ST8SIA6: variants seen among roughly 807,000 people sequenced by gnomAD.
The protein encoded by ST8SIA6 is ST8 alpha-N-acetyl-neuraminide alpha-2,8-sialyltransferase 6, also known as alpha-2,8-sialyltransferase 8F.
A neutral mutation model predicts 33.6 loss-of-function variants in ST8SIA6; 39 were observed. That is an observed-to-expected ratio of 1.16 (90% CI 0.90 to 1.52). The LOEUF (loss-of-function observed/expected upper bound fraction) is 1.52. Among genes scored for constraint, ST8SIA6 ranks in the 40% most tolerant of loss-of-function variants. The pLI is 0.00. For missense variants in ST8SIA6, 441 were observed against 443.8 expected, an observed-to-expected ratio of 0.99 and a Z score of 0.06; for synonymous variants, 172 against 167.2, an observed-to-expected ratio of 1.03 and a Z score of -0.22.
Position 17,374,750 on chromosome 10 carries a change from T to TA in ST8SIA6, c.291-15151dup, listed in dbSNP as rs1588855955. ...AATAAATAAATAAATAAATAAATAATAAATATATATATATATATTTAGCTC... is the reference window on the plus strand; with the variant it reads ...AATAAATAAATAAATAAATAAATAATAAAATATATATATATATATTTAGCTC... On this transcript the variant is annotated intron_variant, in intron 3 of 7. Transcript: ENST00000377602. Among the ~76,000 whole-genome samples, 276 of 96,406 alleles carry TA rather than the reference T, an allele frequency of 2.9e-3. 3 individuals carry two copies. The highest frequency in any genetic ancestry group is 8.1e-3 in the African/African-American group (199 of 24,696). 63.2% of individuals were successfully genotyped at this position (96,406 alleles called of 152,430 possible).
chr10:17,375,524 C>T (rs967356626), intron 3 of ST8SIA6, among the ~76,000 whole-genome samples: 2 of 152,172 alleles, frequency 1.3e-5, no homozygotes, highest in Non-Finnish European at 2.9e-5. Context: ...CTTTATGCCA[C>T]CCCATGAGGA....
At position 17,317,679 on chromosome 10, in the gene ST8SIA6, A is replaced by G. The variant is rs769804240; in HGVS notation, c.*3199T>C. On this transcript the variant is annotated 3_prime_UTR_variant, in exon 8 of 8. Transcript: ENST00000377602. The stretch of plus-strand genomic sequence containing the variant: ...CCTAATTCATGGAGTGATTTACGGT[A>G]CTTGACATTACATAATACTTAGCTG... Among the ~76,000 whole-genome samples the G allele has an allele frequency of 2.0e-5, 3 of 152,190 alleles. No individual in the cohort carries two copies. The highest frequency in any genetic ancestry group is 4.4e-5 in the Non-Finnish European group (3 of 68,030).
intron 4 of ST8SIA6, among the ~76,000 whole-genome samples, chr10:17,354,118 C>T (rs559911501): frequency 2.6e-5 from 4 of 152,136 alleles, no homozygotes; most frequent in Non-Finnish European, 5.9e-5. Context: ...GCTCAAAGAT[C>T]TGCGGGGATA....
chr10:17,315,893 A>G lies in ST8SIA6; in HGVS notation c.*4985T>C, dbSNP rs1038419369. On this transcript the variant is annotated 3_prime_UTR_variant, in exon 8 of 8. Coordinates refer to ENST00000377602, the MANE Select transcript of ST8SIA6 (RefSeq NM_001004470.3). ...GTGCCATTTATTACATGTCAATGAC[A>G]TGGGATAATACTGATTTTTCTTTTC... is the stretch of plus-strand genomic sequence containing the variant. Among the ~76,000 whole-genome samples the G allele has an allele frequency of 6.6e-6, 1 of 151,986 alleles. No individual in the cohort carries two copies. Among genetic ancestry groups the G allele is most frequent in the Non-Finnish European group, 1.5e-5 (1 of 67,896 alleles).
chr10:17,383,813 C>T (rs1254163368), intron 3 of ST8SIA6, among the ~76,000 whole-genome samples: 1 of 152,170 alleles, frequency 6.6e-6, no homozygotes, highest in South Asian at 2.1e-4. Flanking sequence ...TGACTTTTTG[C>T]TTAAAATGTT....
chr10:17,439,271 CT>C (rs146928120), intron 2 of ST8SIA6, among the ~76,000 whole-genome samples: 46,222 of 123,978 alleles, frequency 0.37, 7,365 homozygotes, highest in African/African-American at 0.42. Flanking sequence ...TCTTCCCTCT[CT>C]TTTTTTTTTT....
At chr10:17,448,592 TTTA>T (rs201273334) in intron 2 of ST8SIA6, among the ~76,000 whole-genome samples, 10,128 of 147,306 alleles carry the variant, frequency 0.069, 644 homozygotes, top group African/African-American at 0.17. Flanking sequence ...TGGCAGGGTT[TTTA>T]TTGTTGTTGT....
chr10:17,404,944 T>C (rs529577540), intron 2 of ST8SIA6, among the ~76,000 whole-genome samples: 1 of 152,258 alleles, frequency 6.6e-6, no homozygotes, highest in Admixed American at 6.5e-5. Flanking sequence ...TTCTTATCCA[T>C]AGGTATGCAA....
intron 4 of ST8SIA6, among the ~76,000 whole-genome samples, chr10:17,351,578 G>T (rs1849031111): frequency 6.6e-6 from 1 of 150,614 alleles, no homozygotes; most frequent in African/African-American, 2.4e-5. Flanking sequence ...AAATCAATAT[G>T]TTAAAAAGAT....
intron 3 of ST8SIA6, among the ~76,000 whole-genome samples, chr10:17,386,650 A>G (rs1564436685): frequency 6.6e-6 from 1 of 152,202 alleles, no homozygotes; most frequent in African/African-American, 2.4e-5. Context: ...GAACGCCAAC[A>G]AACAACACAA....
chr10:17,400,914 T>C (rs937420750), intron 2 of ST8SIA6, among the ~76,000 whole-genome samples: 3 of 152,200 alleles, frequency 2.0e-5, no homozygotes, highest in Non-Finnish European at 4.4e-5. Flanking sequence ...AACAAAGTGT[T>C]GGAAGTTCTG....
At chr10:17,404,923 G>A (rs1273091547) in intron 2 of ST8SIA6, among the ~76,000 whole-genome samples, 1 of 152,114 alleles carries the variant, frequency 6.6e-6, no homozygotes, top group African/African-American at 2.4e-5. Context: ...ACTGATAACA[G>A]TACAAAATAA....
rs1847908409 is a variant in ST8SIA6 at position 17,320,527 on chromosome 10, G to A, written c.*351C>T. The A allele has an allele frequency of 1.2e-5, 3 of 243,260 alleles. No homozygotes were observed. Among genetic ancestry groups the A allele is most frequent in the Admixed American group, 5.1e-5 (1 of 19,624 alleles). The allele number at this position is 243,260 out of a possible 1,614,324, so 15.1% of individuals were successfully genotyped here. A position where few individuals can be genotyped will look rare whatever the true frequency, so the allele number is the denominator to read the frequency against. ...TATTCTCTTTAGAAGAGATCTCCAAGAAAGCATGCTTTTATTATCGGTCTG... is the reference window on the plus strand; with the variant it reads ...TATTCTCTTTAGAAGAGATCTCCAAAAAAGCATGCTTTTATTATCGGTCTG... On this transcript the variant is annotated 3_prime_UTR_variant, in exon 8 of 8. Transcript: ENST00000377602.
intron 2 of ST8SIA6, among the ~76,000 whole-genome samples, chr10:17,410,924 A>C (rs1851426513): frequency 1.3e-5 from 2 of 152,184 alleles, no homozygotes; most frequent in South Asian, 2.1e-4. Flanking sequence ...TGGCTAACCA[A>C]ATTTACTGTG....
intron 3 of ST8SIA6, among the ~76,000 whole-genome samples, chr10:17,380,372 A>G (rs1351949284): frequency 1.3e-5 from 2 of 152,222 alleles, no homozygotes; most frequent in East Asian, 3.9e-4. Flanking sequence ...TTACACTTAC[A>G]GCACTCAGAA....
chr10:17,389,345 C>T (rs75463248), intron 3 of ST8SIA6, among the ~76,000 whole-genome samples: 4,925 of 152,282 alleles, frequency 0.032, 81 homozygotes, highest in South Asian at 0.056. Flanking sequence ...GGTGAAACCA[C>T]TGGGCGTTTA....
intron 3 of ST8SIA6, among the ~76,000 whole-genome samples, chr10:17,379,003 G>GT (rs1263746383): frequency 6.6e-6 from 1 of 152,098 alleles, no homozygotes; most frequent in Non-Finnish European, 1.5e-5. Flanking sequence ...GCAGGCGCCT[G>GT]TAGTCCCAGC....
chr10:17,434,414 C>T (rs78393944), intron 2 of ST8SIA6, among the ~76,000 whole-genome samples: 1 of 152,110 alleles, frequency 6.6e-6, no homozygotes, highest in South Asian at 2.1e-4. Context: ...GATAAGAGCA[C>T]AGGTTTCCTG....
At position 17,372,256 on chromosome 10, in the gene ST8SIA6, C is replaced by T. The variant is rs375092705; in HGVS notation, c.291-12656G>A. ...TATCTAAGTATATTTCTATCATGGACGCTTGTGTAAAATAAGTAACAAAAA... is the reference window on the plus strand; with the variant it reads ...TATCTAAGTATATTTCTATCATGGATGCTTGTGTAAAATAAGTAACAAAAA... On this transcript the variant is annotated intron_variant, in intron 3 of 7. Transcript: ENST00000377602. 7.2e-5 allele frequency among the ~76,000 whole-genome samples: 11 copies of T among 152,284 alleles called. No individual in the cohort carries two copies. In the South Asian group the frequency reaches 1.0e-3, roughly 14 times the overall value.
Sources: gnomAD v4.1 joint callset for allele counts (sites outside exome capture counted in the v4.1 genomes callset) on GRCh38, gnomAD v4.1.1 for gene constraint, MANE v1.5 for transcripts, NCBI Gene and HGNC (gene_info 2026-07-23, HGNC 2026-07-21) for gene names.